PRDM10: variants seen among roughly 807,000 people sequenced by gnomAD.
PRDM10 encodes the protein PR domain zinc finger protein 10.
Under a neutral mutation model 133.1 loss-of-function variants are expected in PRDM10, and 65 were observed. That is an observed-to-expected ratio of 0.49 (90% confidence interval 0.40 to 0.60). The LOEUF (loss-of-function observed/expected upper bound fraction) is 0.60. PRDM10 is among the 20% of genes least tolerant of loss of function. The pLI is 0.00. For synonymous variants in PRDM10, 582 were observed against 580.4 expected, an observed-to-expected ratio of 1.00 and a Z score of -0.04; for missense variants, 1,137 against 1,507.1, an observed-to-expected ratio of 0.75 and a Z score of 4.07.
chr11:129,998,013 A>G (rs186465577), intron 1 of PRDM10, among the ~76,000 whole-genome samples: 24 of 152,344 alleles, frequency 1.6e-4, no homozygotes, highest in African/African-American at 5.5e-4. Context: ...TGCACTTTTC[A>G]AAGAAATATG....
chr11:129,942,972 G>T (rs1951263964), intron 6 of PRDM10, among the ~76,000 whole-genome samples: 1 of 152,116 alleles, frequency 6.6e-6, no homozygotes, highest in South Asian at 2.1e-4. Flanking sequence ...CTCCTTTTGG[G>T]GTTTCATTGC....
In PRDM10 at chr11:129,961,047, G is replaced by A; in HGVS notation, c.-83C>T. The A allele has an allele frequency of 1.5e-6, 2 of 1,291,498 alleles. No homozygotes were observed. Among genetic ancestry groups the A allele is most frequent in the Non-Finnish European group, 2.2e-6 (2 of 903,860 alleles). 80.0% of individuals were successfully genotyped at this position (1,291,498 alleles called of 1,614,324 possible). On this transcript the variant is annotated 5_prime_UTR_variant, in exon 2 of 21. Coordinates refer to ENST00000360871, the MANE Select transcript of PRDM10 (RefSeq NM_199437.2). The stretch of plus-strand genomic sequence containing the variant: ...ACAGTCATCTGTCTACCACACGTGT[G>A]TTCATGAAGGACGGAAAGGTCTGTC...
At chr11:129,967,348 G>A (rs908217191) in intron 1 of PRDM10, among the ~76,000 whole-genome samples, 3 of 152,056 alleles carry the variant, frequency 2.0e-5, no homozygotes, top group Admixed American at 1.3e-4. Flanking sequence ...CTGAGGTTGC[G>A]CCACTGCACT....
chr11:129,970,572 G>A (rs1951998450), intron 1 of PRDM10, among the ~76,000 whole-genome samples: 1 of 149,284 alleles, frequency 6.7e-6, no homozygotes, highest in Non-Finnish European at 1.5e-5. Flanking sequence ...TCGAGATGGA[G>A]TTTCGCTTGT....
chr11:129,994,780 T>G (rs1298933988), intron 1 of PRDM10, among the ~76,000 whole-genome samples: 1 of 151,792 alleles, frequency 6.6e-6, no homozygotes, highest in African/African-American at 2.4e-5. Flanking sequence ...TCCTCCCGAG[T>G]AGCTGGGACC....
At chr11:129,910,328 G>T in intron 19 of PRDM10, 148 bp downstream of exon 19, 1 of 1,170,700 alleles carries the variant, frequency 8.5e-7, no homozygotes, top group Non-Finnish European at 1.2e-6. Context: ...CTTGAGTTTT[G>T]TCATGAAACC....
chr11:129,977,817 A>T (rs1937870678), intron 1 of PRDM10, among the ~76,000 whole-genome samples: 1 of 152,140 alleles, frequency 6.6e-6, no homozygotes, highest in Non-Finnish European at 1.5e-5. Flanking sequence ...CTAGGCAGGC[A>T]TGGTGGTGTG....
At chr11:129,939,596 G>A (rs1297442746) in intron 7 of PRDM10, among the ~76,000 whole-genome samples, 3 of 152,270 alleles carry the variant, frequency 2.0e-5, no homozygotes, top group African/African-American at 4.8e-5. Context: ...GCACAAACCT[G>A]GTCAAGCTCT....
chr11:129,944,446 G>A lies in PRDM10; in HGVS notation c.762+325C>T, dbSNP rs143418768. ...AAATACAAAAAGAAATTAGCCGGGC[G>A]TGGTGGCGGGCGCCTGTAGTCCCAG... On this transcript the variant is annotated intron_variant, in intron 6 of 20. Transcript: ENST00000360871. 5.1e-3 allele frequency among the ~76,000 whole-genome samples: 776 copies of A among 152,182 alleles called. 11 individuals carry two copies. Among genetic ancestry groups the A allele is most frequent in the African/African-American group, 0.015 (623 of 41,510 alleles).
intron 1 of PRDM10, among the ~76,000 whole-genome samples, chr11:130,000,623 C>A (rs927437370): frequency 3.9e-5 from 6 of 152,184 alleles, no homozygotes; most frequent in Non-Finnish European, 8.8e-5. Context: ...AAAATGAATT[C>A]TTTGAAAAAG....
intron 7 of PRDM10, among the ~76,000 whole-genome samples, chr11:129,938,648 C>A (rs1565479774): frequency 6.6e-6 from 1 of 152,280 alleles, no homozygotes; most frequent in East Asian, 1.9e-4. Flanking sequence ...CCAGTTACCC[C>A]AGTTGGATCA....
rs766762832 is a variant in PRDM10 at position 129,915,651 on chromosome 11, T to G, written c.2526+9A>C. The stretch of plus-strand genomic sequence containing the variant: ...TTTGACCTTAGCTTTAGTCAGAAAC[T>G]CCCCCTACCTTGCTGCTGTACTGCT... On this transcript the variant is annotated intron_variant, in intron 16 of 20. Transcript: ENST00000360871. 6.4e-7 allele frequency: 1 copy of G among 1,557,944 alleles called. No individual in the cohort carries two copies. The highest frequency in any genetic ancestry group is 8.7e-7 in the Non-Finnish European group (1 of 1,152,842).
At chr11:129,971,866 G>T (rs906786039) in intron 1 of PRDM10, among the ~76,000 whole-genome samples, 1 of 152,246 alleles carries the variant, frequency 6.6e-6, no homozygotes, top group African/African-American at 2.4e-5. Context: ...GATGGGACTG[G>T]GTGCCGTAGA....
chr11:129,973,032 A>G (rs769310224), intron 1 of PRDM10, among the ~76,000 whole-genome samples: 1 of 151,908 alleles, frequency 6.6e-6, no homozygotes, highest in Non-Finnish European at 1.5e-5. Flanking sequence ...CTTTATTTGT[A>G]TTTTCTCTTT....
chr11:129,908,491 G>A lies in PRDM10; in HGVS notation c.3163+1985C>T, dbSNP rs576308557. ...TGTCTCAAATGTTCTTTTTCTTTTA[G>A]AGGTAGGTACCAAAATATTTATGGA... is the stretch of plus-strand genomic sequence containing the variant. On this transcript the variant is annotated intron_variant, in intron 19 of 20. Transcript: ENST00000360871. Among the ~76,000 whole-genome samples the A allele has an allele frequency of 6.6e-5, 10 of 152,240 alleles. No individual in the cohort carries two copies. In the East Asian group the frequency reaches 1.9e-3, roughly 29 times the overall value.
chr11:129,950,573 C>T (rs1474821186), intron 4 of PRDM10, among the ~76,000 whole-genome samples: 2 of 152,110 alleles, frequency 1.3e-5, no homozygotes, highest in Non-Finnish European at 2.9e-5. Flanking sequence ...GCTGCTGTGG[C>T]CACCTCCCCC....
At chr11:129,926,491 C>T (rs1175280809) in intron 11 of PRDM10, among the ~76,000 whole-genome samples, 2 of 152,192 alleles carry the variant, frequency 1.3e-5, no homozygotes, top group Non-Finnish European at 2.9e-5. Flanking sequence ...TTAGTGCGAT[C>T]TTAACTTCAA....
chr11:129,932,478 G>T (rs1388881888), intron 9 of PRDM10, among the ~76,000 whole-genome samples: 1 of 152,152 alleles, frequency 6.6e-6, no homozygotes, highest in Admixed American at 6.5e-5. Context: ...AAAATTCAAA[G>T]CACTGACAAT....
At chr11:129,930,933 A>G (rs1053789540) in intron 11 of PRDM10, 83 bp downstream of exon 11, 46 of 1,500,454 alleles carry the variant, frequency 3.1e-5, no homozygotes, top group Non-Finnish European at 4.0e-5. Flanking sequence ...AGGAAGGTGA[A>G]TAGGTTAGAA....
Sources: allele counts gnomAD v4.1 joint callset (sites outside exome capture counted in the v4.1 genomes callset), GRCh38; gene constraint gnomAD v4.1.1; transcripts MANE v1.5; gene names NCBI Gene and HGNC (gene_info 2026-07-23, HGNC 2026-07-21).